The following FNDC3B variants were observed in gnomAD, a reference collection of about 807,000 sequenced individuals.
FNDC3B encodes fibronectin type III domain-containing protein 3B.
A neutral mutation model predicts 151.5 loss-of-function variants in FNDC3B; 12 were observed. The observed-to-expected ratio is 0.08, with a 90% CI of 0.05 to 0.13. FNDC3B has a LOEUF of 0.13. FNDC3B is among the 10% of genes least tolerant of loss of function. The pLI is 1.00. For synonymous variants in FNDC3B, 528 were observed against 549.0 expected, an observed-to-expected ratio of 0.96 and a Z score of 0.54; for missense variants, 1,214 against 1,505.3, an observed-to-expected ratio of 0.81 and a Z score of 3.20.
chr3:172,361,728 C>T (rs1254281967), intron 22 of FNDC3B, among the ~76,000 whole-genome samples: 1 of 152,200 alleles, frequency 6.6e-6, no homozygotes, highest in African/African-American at 2.4e-5. Context: ...TTTATAGCAA[C>T]CCTCTACTCC....
chr3:172,137,638 C>A (rs535931098), intron 3 of FNDC3B, among the ~76,000 whole-genome samples: 1 of 151,902 alleles, frequency 6.6e-6, no homozygotes, highest in East Asian at 1.9e-4. Context: ...CCTGAGACCC[C>A]GTCTATTAAA....
At chr3:172,392,485 A>T (rs1736058360) in intron 25 of FNDC3B, among the ~76,000 whole-genome samples, 1 of 152,174 alleles carries the variant, frequency 6.6e-6, no homozygotes, top group Admixed American at 6.5e-5. Flanking sequence ...TACCAGGTGA[A>T]CATTGGAAGC....
chr3:172,147,531 A>G (rs1055705533), intron 3 of FNDC3B, among the ~76,000 whole-genome samples: 2 of 152,056 alleles, frequency 1.3e-5, no homozygotes, highest in Non-Finnish European at 2.9e-5. Context: ...CCTATAGTAT[A>G]TGAATTCAGT....
chr3:172,179,096 T>A (rs1379171605), intron 3 of FNDC3B, among the ~76,000 whole-genome samples: 1 of 152,176 alleles, frequency 6.6e-6, no homozygotes, highest in Non-Finnish European at 1.5e-5. Flanking sequence ...GAGTCTTGCT[T>A]TATTGCCCAG....
At chr3:172,068,726 G>A (rs1717629223) in intron 1 of FNDC3B, among the ~76,000 whole-genome samples, 1 of 152,126 alleles carries the variant, frequency 6.6e-6, no homozygotes, top group African/African-American at 2.4e-5. Context: ...TGCCCGGCCA[G>A]AGGAGCCCTC....
chr3:172,290,386 T>C (rs1036620046), intron 7 of FNDC3B, among the ~76,000 whole-genome samples: 28 of 152,322 alleles, frequency 1.8e-4, no homozygotes, highest in African/African-American at 6.5e-4. Flanking sequence ...AGTTAGGTGC[T>C]ATGGGGACTT....
chr3:172,305,013 A>C (rs1731125353), intron 9 of FNDC3B, among the ~76,000 whole-genome samples: 2 of 151,962 alleles, frequency 1.3e-5, no homozygotes, highest in Admixed American at 1.3e-4. Flanking sequence ...CTTAATTTTT[A>C]CTTTTTTATT....
chr3:172,193,981 G>A (rs1420984076), intron 3 of FNDC3B, among the ~76,000 whole-genome samples: 1 of 152,138 alleles, frequency 6.6e-6, no homozygotes, highest in Non-Finnish European at 1.5e-5. Flanking sequence ...AGCACTTTGG[G>A]AGGCTGAGGC....
intron 11 of FNDC3B, among the ~76,000 whole-genome samples, chr3:172,325,892 C>T (rs1478975402): frequency 6.6e-6 from 1 of 151,732 alleles, no homozygotes; most frequent in Non-Finnish European, 1.5e-5. Context: ...GGCGTGATCT[C>T]GACTCACTGC....
At chr3:172,197,445 A>G (rs559687813) in intron 3 of FNDC3B, among the ~76,000 whole-genome samples, 1 of 152,356 alleles carries the variant, frequency 6.6e-6, no homozygotes, top group Admixed American at 6.5e-5. Flanking sequence ...GTTCATCTGC[A>G]TAACTACAAT....
intron 3 of FNDC3B, among the ~76,000 whole-genome samples, chr3:172,192,177 T>TG (rs1724549753): frequency 3.9e-4 from 5 of 12,706 alleles, no homozygotes; most frequent in Non-Finnish European, 9.6e-4. Flanking sequence ...GTGTTTTTTG[T>TG]TTTTTTTTTT....
intron 1 of FNDC3B, among the ~76,000 whole-genome samples, chr3:172,097,245 G>T (rs186256086): frequency 6.6e-6 from 1 of 152,278 alleles, no homozygotes; most frequent in East Asian, 1.9e-4. Flanking sequence ...TAGCTGTTTG[G>T]GTTGGTCCTA....
intron 3 of FNDC3B, among the ~76,000 whole-genome samples, chr3:172,164,606 T>C (rs1722920285): frequency 6.6e-6 from 1 of 152,224 alleles, no homozygotes; most frequent in Non-Finnish European, 1.5e-5. Context: ...AATAAGATTA[T>C]TTAAGTGCGA....
chr3:172,326,437 C>T (rs1732346993), intron 11 of FNDC3B, among the ~76,000 whole-genome samples: 1 of 152,198 alleles, frequency 6.6e-6, no homozygotes, highest in Non-Finnish European at 1.5e-5. Flanking sequence ...GAAAATTCGG[C>T]ATGCTTTGTC....
At chr3:172,330,253 C>CA (rs1732575167) in intron 12 of FNDC3B, 3 of 269,010 alleles carry the variant, frequency 1.1e-5, no homozygotes, top group Non-Finnish European at 7.0e-6. Context: ...ATAATGCCCA[C>CA]ACGTCACTTC....
chr3:172,298,249 T>C (rs986589851), intron 8 of FNDC3B, among the ~76,000 whole-genome samples: 1 of 152,234 alleles, frequency 6.6e-6, no homozygotes, highest in Non-Finnish European at 1.5e-5. Context: ...TAAATGGTTT[T>C]ATTTTATTGA....
intron 1 of FNDC3B, among the ~76,000 whole-genome samples, chr3:172,060,823 A>C (rs553491381): frequency 1.3e-5 from 2 of 152,330 alleles, no homozygotes; most frequent in Middle Eastern, 3.4e-3. Context: ...GTGAAAACTT[A>C]TGTTTGATTT....
intron 11 of FNDC3B, among the ~76,000 whole-genome samples, chr3:172,328,538 G>A (rs1434523337): frequency 2.0e-5 from 3 of 152,234 alleles, no homozygotes; most frequent in African/African-American, 7.2e-5. Context: ...TGTATTTTCA[G>A]AGCCAGTGAC....
chr3:172,377,003 A>G (rs1406109046), intron 23 of FNDC3B, among the ~76,000 whole-genome samples: 3 of 152,182 alleles, frequency 2.0e-5, no homozygotes, highest in African/African-American at 4.8e-5. Context: ...CCTTGCCCAC[A>G]CTCAGGACCA....
Sources: allele counts gnomAD v4.1 joint callset (sites outside exome capture counted in the v4.1 genomes callset), GRCh38; gene constraint gnomAD v4.1.1; transcripts MANE v1.5; gene names NCBI Gene and HGNC (gene_info 2026-07-23, HGNC 2026-07-21).